Variants in B4GALT1 observed in about 807,000 individuals in gnomAD.
B4GALT1 encodes N-acetyllactosamine synthase.
B4GALT1 carries 16 observed loss-of-function variants against 34.9 expected under a neutral mutation model. That is an observed-to-expected ratio of 0.46 (90% CI 0.31 to 0.70). The LOEUF (loss-of-function observed/expected upper bound fraction) is 0.70, where lower values mean the gene tolerates loss of function less well. Among genes scored for constraint, B4GALT1 ranks in the 30% least tolerant of loss-of-function variants. The pLI is 0.05. For synonymous variants in B4GALT1, 221 were observed against 218.1 expected (o/e 1.01, Z -0.12); for missense variants, 445 against 530.5 (o/e 0.84, Z 1.58).
In B4GALT1 at chr9:33,111,453, T is replaced by A. The variant is rs1256079744; in HGVS notation, c.*2001A>T. 6.6e-6 allele frequency: 1 copy of A among 152,586 alleles called. No homozygotes were observed. The highest frequency in any genetic ancestry group is 1.9e-4 in the East Asian group (1 of 5,200). The allele number at this position is 152,586 out of a possible 1,614,324, so 9.5% of individuals were successfully genotyped here. A position where few individuals can be genotyped will look rare whatever the true frequency, so the allele number is the denominator to read the frequency against. On this transcript the variant is annotated 3_prime_UTR_variant, in exon 6 of 6. Transcript: ENST00000379731. Reference sequence around the variant, plus strand: ...TCCCTCTCAATGCAGTCATTTCTAGTTTTAATAATATCCTTGGTATAGAGT... The same window carrying A: ...TCCCTCTCAATGCAGTCATTTCTAGATTTAATAATATCCTTGGTATAGAGT...
At chr9:33,169,968 ATT>A (rs74178857), upstream of B4GALT1, among the ~76,000 whole-genome samples, 5 of 120,462 alleles carry the variant, frequency 4.2e-5, no homozygotes, top group Admixed American at 2.6e-4. Context: ...CAGCCCCTAG[ATT>A]TTTTTTTTTT....
At chr9:33,158,080 A>G (rs1032396957) in intron 1 of B4GALT1, among the ~76,000 whole-genome samples, 4 of 152,202 alleles carry the variant, frequency 2.6e-5, no homozygotes, top group African/African-American at 9.6e-5. Flanking sequence ...GAGCTTCAAA[A>G]GGAATTCCAG....
intron 1 of B4GALT1, among the ~76,000 whole-genome samples, chr9:33,165,208 T>C (rs1182358224): frequency 6.6e-6 from 1 of 151,894 alleles, no homozygotes; most frequent in African/African-American, 2.4e-5. Flanking sequence ...CCTCAAGTGA[T>C]CCACTCCCCT....
chr9:33,183,949 T>A, the B4GALT1 span, among the ~76,000 whole-genome samples: 657 of 151,622 alleles, frequency 4.3e-3, 7 homozygotes, highest in African/African-American at 0.015. Context: ...TTCTCACTTG[T>A]TAAGTGGGAG....
upstream of B4GALT1, among the ~76,000 whole-genome samples, chr9:33,172,055 C>G (rs534207975): frequency 3.3e-5 from 5 of 152,282 alleles, no homozygotes; most frequent in African/African-American, 1.2e-4. Context: ...TGTTACCGAC[C>G]AAAGCGCAAA....
chr9:33,127,090 T>C (rs753441339), intron 2 of B4GALT1, among the ~76,000 whole-genome samples: 7 of 152,020 alleles, frequency 4.6e-5, no homozygotes, highest in Non-Finnish European at 7.4e-5. Flanking sequence ...GCCTCCCGAG[T>C]AGCTGGGACT....
At chr9:33,163,020 C>G (rs903485798) in intron 1 of B4GALT1, among the ~76,000 whole-genome samples, 1 of 152,122 alleles carries the variant, frequency 6.6e-6, no homozygotes, top group African/African-American at 2.4e-5. Context: ...GTTATCTGAG[C>G]CTAAAGCTTC....
At chr9:33,171,227 A>G (rs1840837732), upstream of B4GALT1, among the ~76,000 whole-genome samples, 1 of 152,234 alleles carries the variant, frequency 6.6e-6, no homozygotes. Context: ...ACATGGTGTC[A>G]GCTGAGGCAC....
At chr9:33,181,501 C>A in the B4GALT1 span, among the ~76,000 whole-genome samples, 1 of 151,698 alleles carries the variant, frequency 6.6e-6, no homozygotes, top group Non-Finnish European at 1.5e-5. Flanking sequence ...GAATCAACGT[C>A]TTCCTGTAAT....
At position 33,113,686 on chromosome 9, in the gene B4GALT1, C is replaced by T. The variant is rs191217276; in HGVS notation, c.1064+88G>A. The stretch of plus-strand genomic sequence containing the variant: ...CTCCCTCTCCACTGTAACCTGACCA[C>T]CTCAATTTCCCTCTAGGCCCAGAGC... On this transcript the variant is annotated intron_variant, in intron 5 of 5. Transcript: ENST00000379731. 21 of 1,606,214 alleles carry T rather than the reference C, an allele frequency of 1.3e-5. No individual in the cohort carries two copies. In the African/African-American group the frequency reaches 2.8e-4, roughly 21 times the overall value.
At chr9:33,158,853 C>A (rs761620799) in intron 1 of B4GALT1, among the ~76,000 whole-genome samples, 7 of 152,194 alleles carry the variant, frequency 4.6e-5, no homozygotes, top group Non-Finnish European at 1.0e-4. Flanking sequence ...ATGTCTATCT[C>A]TCACACTTCA....
chr9:33,149,573 C>T (rs1247219776), intron 1 of B4GALT1, among the ~76,000 whole-genome samples: 1 of 152,180 alleles, frequency 6.6e-6, no homozygotes, highest in African/African-American at 2.4e-5. Flanking sequence ...ACATGAGCTA[C>T]TACGCCCGGC....
intron 1 of B4GALT1, among the ~76,000 whole-genome samples, chr9:33,154,484 G>C (rs772060015): frequency 6.6e-6 from 1 of 152,106 alleles, no homozygotes; most frequent in Non-Finnish European, 1.5e-5. Flanking sequence ...GTTCTAACGG[G>C]GCATTTAGGC....
At chr9:33,142,617 T>G (rs1247806130) in intron 1 of B4GALT1, among the ~76,000 whole-genome samples, 1 of 152,116 alleles carries the variant, frequency 6.6e-6, no homozygotes. Context: ...GACCTCTTTT[T>G]CTTTTTCTTT....
the B4GALT1 span, among the ~76,000 whole-genome samples, chr9:33,183,917 A>G: frequency 1.3e-5 from 2 of 152,122 alleles, no homozygotes; most frequent in Admixed American, 1.3e-4. Context: ...TAACACAGGA[A>G]CAGAAAACCA....
At chr9:33,162,985 A>C (rs1840694990) in intron 1 of B4GALT1, among the ~76,000 whole-genome samples, 1 of 152,204 alleles carries the variant, frequency 6.6e-6, no homozygotes, top group South Asian at 2.1e-4. Context: ...AAAAAACAAC[A>C]GGACAAAACT....
chr9:33,107,191 T>G (rs1185173287), downstream of B4GALT1, among the ~76,000 whole-genome samples: 4 of 152,174 alleles, frequency 2.6e-5, no homozygotes, highest in Admixed American at 6.5e-5. Context: ...ATTCCCTGCC[T>G]GGGGACACTG....
chr9:33,171,761 C>T (rs574595968), upstream of B4GALT1, among the ~76,000 whole-genome samples: 18 of 152,166 alleles, frequency 1.2e-4, no homozygotes, highest in Non-Finnish European at 1.9e-4. Context: ...TGCGATATTG[C>T]TCAGGCTAGT....
At position 33,166,863 on chromosome 9, in the gene B4GALT1, C is replaced by T. The variant is rs1840764661; in HGVS notation, c.307G>A (p.Val103Ile). The change falls in exon 1 of 6, where the codon GTC becomes ATC. Residue 103 changes from valine (V) to isoleucine (I), a missense_variant. Physicochemically the swap from Val to Ile is conservative, Grantham distance 29 (BLOSUM62 3). Coordinates refer to ENST00000379731, the MANE Select transcript of B4GALT1 (RefSeq NM_001497.4). ...GCGGGGCCAGGGCCAGAATCCACGA[C>T]TGGGCTGGAGTCGCCACCCGGGCGC... ...QPRPGGDSSP[V>I]VDSGPGPASN... 8.3e-6 allele frequency: 13 copies of T among 1,574,008 alleles called. No homozygotes were observed. Among genetic ancestry groups the T allele is most frequent in the Admixed American group, 1.8e-5 (1 of 55,822 alleles).
Sources: allele counts gnomAD v4.1 joint callset (sites outside exome capture counted in the v4.1 genomes callset), GRCh38; gene constraint gnomAD v4.1.1; transcripts MANE v1.5; gene names NCBI Gene and HGNC (gene_info 2026-07-23, HGNC 2026-07-21).